MEIKIN: variants seen among roughly 807,000 people sequenced by gnomAD.
MEIKIN encodes the protein meiotic kinetochore factor, also known as meiosis-specific kinetochore protein.
intron 8 of MEIKIN, among the ~76,000 whole-genome samples, chr5:131,885,383 G>A (rs866782421): frequency 1.7e-3 from 168 of 96,550 alleles, no homozygotes; most frequent in African/African-American, 6.0e-3. Flanking sequence ...GAGAGAGAGA[G>A]AGAGAGAGAG....
At chr5:131,931,769 G>C (rs1239738682) in intron 5 of MEIKIN, among the ~76,000 whole-genome samples, 1 of 152,172 alleles carries the variant, frequency 6.6e-6, no homozygotes, top group Non-Finnish European at 1.5e-5. Context: ...GAATTGGTGT[G>C]TCCATAAGGA....
Position 131,871,829 on chromosome 5 carries a change from T to C in MEIKIN, c.774+7149A>G, listed in dbSNP as rs560091299. Among the ~76,000 whole-genome samples the C allele has an allele frequency of 2.0e-5, 3 of 152,180 alleles. No homozygotes were observed. In the East Asian group the frequency reaches 5.8e-4, roughly 29 times the overall value. ...CAGAGGAACGATCAGGCAGCAGCAT[T>C]TGCGGTTCACCAATATCCGATGTTC... On this transcript the variant is annotated intron_variant, in intron 9 of 12. Transcript: ENST00000442687.
At chr5:131,894,790 A>G (rs2149636115) in intron 8 of MEIKIN, among the ~76,000 whole-genome samples, 1 of 152,246 alleles carries the variant, frequency 6.6e-6, no homozygotes, top group South Asian at 2.1e-4. Context: ...CAGCTTAAGG[A>G]GATTTTGGCC....
At chr5:131,886,716 A>C (rs1750803521) in intron 8 of MEIKIN, among the ~76,000 whole-genome samples, 1 of 152,226 alleles carries the variant, frequency 6.6e-6, no homozygotes, top group Non-Finnish European at 1.5e-5. Context: ...ATGTGAAGGT[A>C]CGAAACTCAT....
chr5:131,869,738 C>T (rs1561738444), intron 9 of MEIKIN, among the ~76,000 whole-genome samples: 1 of 152,176 alleles, frequency 6.6e-6, no homozygotes, highest in Non-Finnish European at 1.5e-5. Flanking sequence ...GCAGGGGGAC[C>T]ACCTACGACT....
At chr5:131,885,165 C>CT (rs757795622) in intron 8 of MEIKIN, among the ~76,000 whole-genome samples, 40 of 152,040 alleles carry the variant, frequency 2.6e-4, no homozygotes, top group Non-Finnish European at 5.0e-4. Flanking sequence ...TTTGCAGAGC[C>CT]TTAGGGCCTT....
chr5:131,902,193 G>A (rs552412670), intron 8 of MEIKIN, among the ~76,000 whole-genome samples: 3 of 152,312 alleles, frequency 2.0e-5, no homozygotes, highest in East Asian at 1.9e-4. Context: ...AGAACTTTGG[G>A]AGGCCAAGGC....
chr5:131,907,958 G>A (rs949302673), intron 8 of MEIKIN, among the ~76,000 whole-genome samples: 1 of 152,056 alleles, frequency 6.6e-6, no homozygotes, highest in Non-Finnish European at 1.5e-5. Flanking sequence ...TCCTGGTAAA[G>A]AAAATTCCAG....
chr5:131,896,267 T>C (rs967014792), intron 8 of MEIKIN, among the ~76,000 whole-genome samples: 5 of 152,204 alleles, frequency 3.3e-5, no homozygotes, highest in African/African-American at 1.2e-4. Context: ...GTGTGATTTC[T>C]GTTCTTTTTC....
intron 10 of MEIKIN, among the ~76,000 whole-genome samples, chr5:131,853,437 T>G (rs1397374730): frequency 1.3e-5 from 2 of 152,158 alleles, no homozygotes; most frequent in African/African-American, 4.8e-5. Flanking sequence ...GAAGACTTGA[T>G]GACACTGGAT....
chr5:131,906,128 A>C (rs1182244389), intron 8 of MEIKIN, among the ~76,000 whole-genome samples: 7 of 152,226 alleles, frequency 4.6e-5, no homozygotes, highest in Admixed American at 4.6e-4. Flanking sequence ...TATACATCTC[A>C]CAAAGGTCTA....
intron 11 of MEIKIN, among the ~76,000 whole-genome samples, chr5:131,822,799 T>C (rs1030348449): frequency 6.6e-6 from 1 of 152,216 alleles, no homozygotes; most frequent in African/African-American, 2.4e-5. Context: ...TGATTTCTTA[T>C]TGTTTATTAA....
intron 8 of MEIKIN, among the ~76,000 whole-genome samples, chr5:131,895,123 T>A (rs1402661595): frequency 2.0e-5 from 3 of 152,236 alleles, no homozygotes; most frequent in Non-Finnish European, 4.4e-5. Flanking sequence ...GTCGAAGGCC[T>A]CTTCTGCATC....
chr5:131,930,499 C>T (rs547365585), intron 5 of MEIKIN, among the ~76,000 whole-genome samples: 12 of 152,236 alleles, frequency 7.9e-5, no homozygotes, highest in Admixed American at 6.5e-4. Flanking sequence ...TAATTAGGTC[C>T]CATTTGTCAA....
At chr5:131,921,252 C>T (rs1324869543) in intron 6 of MEIKIN, among the ~76,000 whole-genome samples, 6 of 152,302 alleles carry the variant, frequency 3.9e-5, no homozygotes, top group East Asian at 3.9e-4. Flanking sequence ...TGGCTCATGC[C>T]TATAATCTCA....
At chr5:131,931,902 T>C (rs915442103) in intron 5 of MEIKIN, among the ~76,000 whole-genome samples, 4 of 152,216 alleles carry the variant, frequency 2.6e-5, no homozygotes, top group Admixed American at 2.0e-4. Flanking sequence ...TCCTTGGCTC[T>C]CTGTTCATAT....
intron 11 of MEIKIN, among the ~76,000 whole-genome samples, chr5:131,844,037 T>C (rs1299285385): frequency 6.6e-6 from 1 of 152,006 alleles, no homozygotes; most frequent in African/African-American, 2.4e-5. Context: ...CGGCAGAATG[T>C]GAGGTGGAAG....
rs57737828 is a variant in MEIKIN, at chr5:131,880,404, A to AT, written c.704-1357dup. Among the ~76,000 whole-genome samples, 22 of 135,012 alleles carry AT rather than the reference A, an allele frequency of 1.6e-4. 1 individual carries two copies. The highest frequency in any genetic ancestry group is 7.3e-4 in the South Asian group (3 of 4,120). 88.6% of individuals were successfully genotyped at this position (135,012 alleles called of 152,430 possible). On this transcript the variant is annotated intron_variant, in intron 8 of 12. Coordinates refer to ENST00000442687, the MANE Select transcript of MEIKIN (RefSeq NM_001303622.2). The stretch of plus-strand genomic sequence containing the variant: ...AGGCGTGAGCCAACGTGCCCGGCCT[A>AT]TTTTTTTTTTTTTTTAAGTAGAGAC...
chr5:131,912,256 C>A (rs1268280753), intron 7 of MEIKIN, among the ~76,000 whole-genome samples: 5 of 151,502 alleles, frequency 3.3e-5, no homozygotes. Context: ...TCCTAAGATT[C>A]TTGTGGAAAG....
Sources: gnomAD v4.1 joint callset for allele counts (sites outside exome capture counted in the v4.1 genomes callset) on GRCh38, gnomAD v4.1.1 for gene constraint, MANE v1.5 for transcripts, NCBI Gene and HGNC (gene_info 2026-07-23, HGNC 2026-07-21) for gene names.